Variants in KYNU observed in about 807,000 individuals in gnomAD.
KYNU encodes the protein L-kynurenine hydrolase.
KYNU carries 54 observed loss-of-function variants against 59.2 expected under a neutral mutation model. That is an observed-to-expected ratio of 0.91 (90% CI 0.73 to 1.14). The LOEUF is 1.14. Ranked by LOEUF, KYNU falls within the 50% of genes most tolerant of loss-of-function variation. The pLI, the probability that KYNU is intolerant of heterozygous loss-of-function variation, is 0.00. For synonymous variants in KYNU, 177 were observed against 192.0 expected (o/e 0.92, Z 0.65); for missense variants, 567 against 554.4 (o/e 1.02, Z -0.23).
intron 1 of KYNU, among the ~76,000 whole-genome samples, chr2:142,884,688 C>CTTTTTTTTT (rs70997529): frequency 1.7e-4 from 13 of 77,022 alleles, no homozygotes; most frequent in East Asian, 3.7e-4. Flanking sequence ...TTCTCTTTTC[C>CTTTTTTTTT]TTTTTTTTTT....
chr2:143,020,765 T>C (rs923695454), intron 10 of KYNU, among the ~76,000 whole-genome samples: 1 of 152,202 alleles, frequency 6.6e-6, no homozygotes. Flanking sequence ...TATACATAAT[T>C]TACTTCATAC....
At position 143,034,715 on chromosome 2, in the gene KYNU, T is replaced by A. The variant is rs1686844432; in HGVS notation, c.1041+1394T>A. Among the ~76,000 whole-genome samples, 4 of 152,234 alleles carry A rather than the reference T, an allele frequency of 2.6e-5. No individual in the cohort carries two copies. The South Asian group carries it at 8.3e-4, about 32-fold the overall frequency. On this transcript the variant is annotated intron_variant, in intron 12 of 13. Transcript: ENST00000264170. ...CTGCTTAGTAAATCAGATAATGATA[T>A]TTGAGTTGTTTTTATAGTATCCATT...
At chr2:143,018,839 T>C (rs1020297513) in intron 10 of KYNU, among the ~76,000 whole-genome samples, 1 of 152,186 alleles carries the variant, frequency 6.6e-6, no homozygotes, top group Non-Finnish European at 1.5e-5. Flanking sequence ...GTAAAGATCA[T>C]TCACTTCTTG....
chr2:143,033,277 A>G lies in KYNU; in HGVS notation c.997A>G (p.Asn333Asp). Residue 333 changes from asparagine to aspartate, a missense_variant, in exon 12 of 14, where the codon AAT becomes GAT. Asn to Asp is a conservative substitution (Grantham distance 23, BLOSUM62 1). Coordinates refer to ENST00000264170, the MANE Select transcript of KYNU (RefSeq NM_003937.3). ...IPGVCGFRISNPPILLVCSLH... is the reference protein window; with the variant it reads ...IPGVCGFRISDPPILLVCSLH... ...TGGGGTCTGTGGATTCCGAATTTCA[A>G]ATCCTCCCATTTTGTTGGTCTGTTC... The G allele has an allele frequency of 6.2e-7, 1 of 1,613,960 alleles. No individual in the cohort carries two copies. The highest frequency in any genetic ancestry group is 8.5e-7 in the Non-Finnish European group (1 of 1,179,822).
At chr2:142,913,067 G>A (rs559746078) in intron 2 of KYNU, among the ~76,000 whole-genome samples, 1 of 152,218 alleles carries the variant, frequency 6.6e-6, no homozygotes, top group African/African-American at 2.4e-5. Context: ...GTTTCTGACT[G>A]TGCATATTTG....
rs1211962250 is a variant in KYNU, at chr2:143,054,760, A to C, written c.*12588A>C. The C allele has an allele frequency of 6.6e-6, 1 of 152,204 alleles. No individual in the cohort carries two copies. The highest frequency in any genetic ancestry group is 1.5e-5 in the Non-Finnish European group (1 of 68,034). 9.4% of individuals were successfully genotyped at this position (152,204 alleles called of 1,614,324 possible). A position where few individuals can be genotyped will look rare whatever the true frequency, so the allele number is the denominator to read the frequency against. On this transcript the variant is annotated 3_prime_UTR_variant, in exon 14 of 14. Coordinates refer to ENST00000264170, the MANE Select transcript of KYNU (RefSeq NM_003937.3). ...TACAGGGCATGCAACATAGCTGCTG[A>C]TTGGATTTATTCAACATGTCAGTGG...
rs1280335900 is a variant in KYNU, at chr2:143,047,736, T to G, written c.*5564T>G. The G allele has an allele frequency of 1.3e-5, 2 of 152,048 alleles. No individual in the cohort carries two copies. Among genetic ancestry groups the G allele is most frequent in the Non-Finnish European group, 2.9e-5 (2 of 68,246 alleles). The allele number at this position is 152,048 out of a possible 1,614,324, so 9.4% of individuals were successfully genotyped here. A position where few individuals can be genotyped will look rare whatever the true frequency, so the allele number is the denominator to read the frequency against. Reference sequence around the variant, plus strand: ...GCCAAGCTAATTTTTAAAAATAATTTTTTTTGTAGATTCAGAGTCTTGCTA... The same window carrying G: ...GCCAAGCTAATTTTTAAAAATAATTGTTTTTGTAGATTCAGAGTCTTGCTA... On this transcript the variant is annotated 3_prime_UTR_variant, in exon 14 of 14. Coordinates refer to ENST00000264170, the MANE Select transcript of KYNU (RefSeq NM_003937.3).
At chr2:142,915,958 G>A (rs1012672751) in intron 2 of KYNU, among the ~76,000 whole-genome samples, 2 of 151,958 alleles carry the variant, frequency 1.3e-5, no homozygotes, top group Non-Finnish European at 2.9e-5. Context: ...GGGGGAAATC[G>A]GGAAACACAC....
intron 2 of KYNU, among the ~76,000 whole-genome samples, chr2:142,909,532 T>A (rs945225302): frequency 2.0e-5 from 3 of 152,190 alleles, no homozygotes; most frequent in African/African-American, 7.2e-5. Flanking sequence ...TAGCTCCCAC[T>A]TAAAAATGAG....
chr2:143,037,325 CTTAAAT>C (rs1162124784), intron 12 of KYNU, among the ~76,000 whole-genome samples: 1 of 152,124 alleles, frequency 6.6e-6, no homozygotes, highest in Non-Finnish European at 1.5e-5. Flanking sequence ...TTCCAAAATA[CTTAAAT>C]TTAAACAATA....
chr2:142,935,700 T>G (rs1683367700), intron 4 of KYNU, among the ~76,000 whole-genome samples: 2 of 152,150 alleles, frequency 1.3e-5, no homozygotes, highest in Non-Finnish European at 2.9e-5. Flanking sequence ...CTTCAGTTCC[T>G]GCTACTTCCT....
chr2:142,935,125 T>C (rs1683344093), intron 4 of KYNU, among the ~76,000 whole-genome samples: 1 of 152,230 alleles, frequency 6.6e-6, no homozygotes, highest in African/African-American at 2.4e-5. Flanking sequence ...GTCATCAAGC[T>C]TCTGAAGTTT....
At chr2:143,024,262 T>TTG (rs1686490855) in intron 10 of KYNU, among the ~76,000 whole-genome samples, 1 of 152,096 alleles carries the variant, frequency 6.6e-6, no homozygotes, top group African/African-American at 2.4e-5. Context: ...ATTTGTTTAG[T>TTG]TGTTTATTTT....
intron 1 of KYNU, among the ~76,000 whole-genome samples, chr2:142,881,916 CTTTT>C (rs869099302): frequency 8.8e-6 from 1 of 113,172 alleles, no homozygotes. Flanking sequence ...TTTCTTTTTT[CTTTT>C]TTTTTTTTTT....
At chr2:142,885,269 C>A in intron 1 of KYNU, 80 bp from the exon 2 acceptor site, 1 of 1,140,710 alleles carries the variant, frequency 8.8e-7, no homozygotes, top group Non-Finnish European at 1.3e-6. Context: ...TTAGTGAAAA[C>A]AAAAGGTGTA....
At chr2:142,975,412 C>T (rs758057880) in intron 8 of KYNU, among the ~76,000 whole-genome samples, 22 of 152,322 alleles carry the variant, frequency 1.4e-4, no homozygotes, top group East Asian at 3.9e-4. Flanking sequence ...TCCCTGTGAC[C>T]TCATTCTTCC....
intron 3 of KYNU, among the ~76,000 whole-genome samples, chr2:142,920,301 G>A (rs1276808957): frequency 2.0e-5 from 3 of 152,188 alleles, no homozygotes; most frequent in Non-Finnish European, 2.9e-5. Context: ...AGTATTTAAT[G>A]AATGGGGGTC....
At chr2:142,976,238 G>T (rs551356783) in intron 8 of KYNU, among the ~76,000 whole-genome samples, 3 of 152,198 alleles carry the variant, frequency 2.0e-5, no homozygotes, top group Non-Finnish European at 4.4e-5. Context: ...AGGTCACTGT[G>T]TCCACAGGTT....
At chr2:142,961,082 A>C (rs1221862387) in intron 8 of KYNU, among the ~76,000 whole-genome samples, 4 of 151,838 alleles carry the variant, frequency 2.6e-5, no homozygotes, top group Non-Finnish European at 5.9e-5. Context: ...AATCCCAGCT[A>C]TTCGGGAGGC....
Sources: allele counts gnomAD v4.1 joint callset (sites outside exome capture counted in the v4.1 genomes callset), GRCh38; gene constraint gnomAD v4.1.1; transcripts MANE v1.5; gene names NCBI Gene and HGNC (gene_info 2026-07-23, HGNC 2026-07-21).